Variants in DRAP1 observed in about 807,000 individuals in gnomAD.
DRAP1 encodes the protein dr1-associated corepressor.
Under a neutral mutation model 24.1 loss-of-function variants are expected in DRAP1, and 10 were observed. The ratio of observed to expected loss-of-function variants is 0.41; its 90% CI spans 0.26 to 0.70. The LOEUF is 0.70. Ranked by LOEUF, DRAP1 falls within the 30% of genes least tolerant of loss-of-function variation. DRAP1 has a pLI of 0.29. For synonymous variants in DRAP1, 122 were observed against 113.8 expected (o/e 1.07, Z -0.46); for missense variants, 264 against 275.6 (o/e 0.96, Z 0.30).
In DRAP1 at chr11:65,920,938, C is replaced by T. The variant is rs1313682527; in HGVS notation, c.478C>T (p.Pro160Ser). 1.9e-6 allele frequency: 3 copies of T among 1,613,110 alleles called. No individual in the cohort carries two copies. Among genetic ancestry groups the T allele is most frequent in the Non-Finnish European group, 2.5e-6 (3 of 1,179,594 alleles). ...GGAAGAGGAGACATCACAACCCCCA[C>T]CCCAGGCCAGCCACCCCTCTGCCCA... The part of the protein sequence containing the change: ...DGEEETSQPP[P>S]QASHPSAHFQ... The change falls in exon 6 of 7, where the codon CCC (proline) becomes TCC (serine). Residue 160 changes from proline (P) to serine (S), a missense_variant. Transcript: ENST00000312515.
Position 65,919,870 on chromosome 11 carries a change from G to T in DRAP1, c.115+18G>T. The T allele has an allele frequency of 2.5e-6, 4 of 1,613,290 alleles. No homozygotes were observed. The highest frequency in any genetic ancestry group is 3.4e-6 in the Non-Finnish European group (4 of 1,179,938). On this transcript the variant is annotated intron_variant, in intron 2 of 6. Coordinates refer to ENST00000312515, the MANE Select transcript of DRAP1 (RefSeq NM_006442.4). ...CATCATCTGTATCCTGCCGGGGGCG[G>T]ACCGGGTCGAGGGGCGTGGGGGAGG...
chr11:65,921,101 G>T, intron 6 of DRAP1, 129 bp downstream of exon 6: 1 of 754,964 alleles, frequency 1.3e-6, no homozygotes, highest in Non-Finnish European at 2.1e-6. Flanking sequence ...AATAACTGAG[G>T]AGGGCTTGAA....
rs1591101082 is a variant in DRAP1 at position 65,919,481 on chromosome 11, C to T, written c.-21C>T. 1.3e-6 allele frequency: 2 copies of T among 1,530,950 alleles called. No homozygotes were observed. The highest frequency in any genetic ancestry group is 2.4e-5 in the South Asian group (2 of 82,144). 94.8% of individuals were successfully genotyped at this position (1,530,950 alleles called of 1,614,324 possible). On this transcript the variant is annotated 5_prime_UTR_variant, in exon 1 of 7. In the 5' UTR this introduces an upstream ATG that the reference lacks. Transcript: ENST00000312515. The stretch of plus-strand genomic sequence containing the variant: ...CTGCGGGCGGCGGCGCTGGACCCGA[C>T]GCGGCGAGAGAGGCCCCGAGATGCC...
In DRAP1 at chr11:65,920,134, C is replaced by T. The variant is rs1056581884; in HGVS notation, c.209+93C>T. The T allele has an allele frequency of 2.7e-6, 4 of 1,506,126 alleles. No homozygotes were observed. The African/African-American group carries it at 4.1e-5, about 16-fold the overall frequency. 93.3% of individuals were successfully genotyped at this position (1,506,126 alleles called of 1,614,324 possible). ...GAGCCTGGGTGGCGAGGGAGGTGGGCGGCAGCCGGGACACCAGCAAGGCCA... is the reference window on the plus strand; with the variant it reads ...GAGCCTGGGTGGCGAGGGAGGTGGGTGGCAGCCGGGACACCAGCAAGGCCA... On this transcript the variant is annotated intron_variant, in intron 3 of 6. Transcript: ENST00000312515.
intron 1 of DRAP1, 87 bp downstream of exon 1, chr11:65,919,630 G>T (rs1211144333): frequency 1.3e-6 from 2 of 1,535,574 alleles, no homozygotes; most frequent in Middle Eastern, 2.0e-4. Context: ...GGCGCGCCGC[G>T]GTGTTCGGGG....
rs1854547488 is a variant in DRAP1 at position 65,921,317 on chromosome 11, T to C, written c.513-13T>C. On this transcript the variant is annotated splice_polypyrimidine_tract_variant and intron_variant, in intron 6 of 6. Coordinates refer to ENST00000312515, the MANE Select transcript of DRAP1 (RefSeq NM_006442.4). ...GGCTCAGGCCTGACTCTCTCCTGCC[T>C]TCTGCCCTGCAGCCCCCCGACACCC... 9 of 1,558,022 alleles carry C rather than the reference T, an allele frequency of 5.8e-6. No individual in the cohort carries two copies. Among genetic ancestry groups the C allele is most frequent in the Non-Finnish European group, 8.0e-6 (9 of 1,131,096 alleles).
intron 1 of DRAP1, 43 bp downstream of exon 1, chr11:65,919,586 G>A (rs1465887630): frequency 1.3e-6 from 2 of 1,547,666 alleles, no homozygotes; most frequent in Admixed American, 2.0e-5. Context: ...CCCGGCTCCC[G>A]GGTGGCTTGG....
Position 65,920,658 on chromosome 11 carries a change from A to G in DRAP1, c.419A>G (p.Gln140Arg). The G allele has an allele frequency of 2.0e-6, 3 of 1,486,062 alleles. No homozygotes were observed. The highest frequency in any genetic ancestry group is 2.7e-6 in the Non-Finnish European group (3 of 1,113,568). 92.1% of individuals were successfully genotyped at this position (1,486,062 alleles called of 1,614,324 possible). A position where few individuals can be genotyped will look rare whatever the true frequency, so the allele number is the denominator to read the frequency against. Residue 140 changes from glutamine (Q) to arginine (R), a missense_variant, in exon 5 of 7, where the codon CAG becomes CGG. Coordinates refer to ENST00000312515, the MANE Select transcript of DRAP1 (RefSeq NM_006442.4). Reference protein sequence around the residue: ...DKKLSGTDSEQEDESEDTDTD... With the variant: ...DKKLSGTDSEREDESEDTDTD... The stretch of plus-strand genomic sequence containing the variant: ...AAGCTGTCCGGGACAGACTCGGAGC[A>G]GGAGGTGAGTGAGGCCCCAGCCCTT...
Position 65,921,550 on chromosome 11 carries a change from C to G in DRAP1, c.*115C>G, listed in dbSNP as rs1854553011. 1.9e-6 allele frequency: 1 copy of G among 539,940 alleles called. No individual in the cohort carries two copies. The highest frequency in any genetic ancestry group is 3.3e-6 in the Non-Finnish European group (1 of 300,930). 33.4% of individuals were successfully genotyped at this position (539,940 alleles called of 1,614,324 possible). On this transcript the variant is annotated 3_prime_UTR_variant, in exon 7 of 7. Coordinates refer to ENST00000312515, the MANE Select transcript of DRAP1 (RefSeq NM_006442.4). Reference sequence around the variant, plus strand: ...TAAAAAAAAAAATAAAAGGGAATCTCAGTGTCTGTTCCAGGCTCTGCGCAG... The same window carrying G: ...TAAAAAAAAAAATAAAAGGGAATCTGAGTGTCTGTTCCAGGCTCTGCGCAG...
chr11:65,920,519 G>A lies in DRAP1; in HGVS notation c.330-50G>A, dbSNP rs1184010655. ...GGCCAAGGCCACAGGGCTTGGGGGT[G>A]GCCAAGGAGTAGGGAGCACTCCGGG... On this transcript the variant is annotated intron_variant, in intron 4 of 6. Transcript: ENST00000312515. 8.1e-6 allele frequency: 13 copies of A among 1,611,364 alleles called. No individual in the cohort carries two copies. The East Asian group carries it at 2.5e-4, about 30-fold the overall frequency.
chr11:65,919,757 G>T (rs756099047), intron 1 of DRAP1, 23 bp from the exon 2 acceptor site: 3 of 1,612,656 alleles, frequency 1.9e-6, no homozygotes, highest in South Asian at 1.1e-5. Context: ...GACGGGGTCT[G>T]AACTCTGCTC....
Position 65,920,421 on chromosome 11 carries a change from C to G in DRAP1, c.288C>G (p.Asp96Glu). 6.2e-7 allele frequency: 1 copy of G among 1,614,084 alleles called. No homozygotes were observed. Among genetic ancestry groups the G allele is most frequent in the Non-Finnish European group, 8.5e-7 (1 of 1,180,018 alleles). Residue 96 changes from aspartate (D) to glutamate (E), a missense_variant, in exon 4 of 7, where the codon GAC becomes GAG. Asp to Glu is a conservative substitution (Grantham distance 45). Coordinates refer to ENST00000312515, the MANE Select transcript of DRAP1 (RefSeq NM_006442.4). The stretch of plus-strand genomic sequence containing the variant: ...CATCTGTTCCCGACATGCAGGGGGA[C>G]GGGGAAGACAACCACATGGATGGGG... ...LVASVPDMQG[D>E]GEDNHMDGDK...
chr11:65,921,102 AG>A, intron 6 of DRAP1, 130 bp downstream of exon 6: 1 of 734,606 alleles, frequency 1.4e-6, no homozygotes, highest in Non-Finnish European at 2.2e-6. Context: ...ATAACTGAGG[AG>A]GGCTTGAAGG....
rs761047898 is a variant in DRAP1 at position 65,920,584 on chromosome 11, C to T, written c.345C>T (p.Gly115=). The T allele has an allele frequency of 5.7e-6, 9 of 1,586,198 alleles. No homozygotes were observed. Among genetic ancestry groups the T allele is most frequent in the East Asian group, 2.3e-5 (1 of 44,438 alleles). The part of the protein sequence containing the change: ...DKGARRGRKP[G]SGGRKNGGMG... ...CTTCCCAAAGGGGCCGGAAGCCAGG[C>T]AGCGGCGGCCGGAAGAACGGTGGGA... Residue 115 remains glycine (G), a synonymous_variant, in exon 5 of 7, where the codon GGC becomes GGT. Coordinates refer to ENST00000312515, the MANE Select transcript of DRAP1 (RefSeq NM_006442.4).
rs1854533072 is a variant in DRAP1, at chr11:65,920,415, G to A, written c.282G>A (p.Gln94=). The A allele has an allele frequency of 2.5e-6, 4 of 1,614,018 alleles. No homozygotes were observed. Among genetic ancestry groups the A allele is most frequent in the African/African-American group, 2.7e-5 (2 of 74,944 alleles). The part of the protein sequence containing the change: ...KDLVASVPDM[Q]GDGEDNHMDG... ...TGGTGGCATCTGTTCCCGACATGCA[G>A]GGGGACGGGGAAGACAACCACATGG... The change falls in exon 4 of 7, where the codon CAG becomes CAA. Residue 94 remains glutamine, a synonymous_variant. Transcript: ENST00000312515.
rs1408015676 is a variant in DRAP1, at chr11:65,920,774, C to T, written c.424-110C>T. 1.0e-5 allele frequency: 15 copies of T among 1,453,318 alleles called. No homozygotes were observed. In the South Asian group the frequency reaches 1.6e-4, roughly 16 times the overall value. 90.0% of individuals were successfully genotyped at this position (1,453,318 alleles called of 1,614,324 possible). A position where few individuals can be genotyped will look rare whatever the true frequency, so the allele number is the denominator to read the frequency against. On this transcript the variant is annotated intron_variant, in intron 5 of 6. Transcript: ENST00000312515. ...CATCCTTTTCTGCAACCTGTTTGCT[C>T]ACTGGTTTATTTGTAAATTGGGGCT... is the stretch of plus-strand genomic sequence containing the variant.
Position 65,920,444 on chromosome 11 carries a change from G to C in DRAP1, c.311G>C (p.Gly104Ala), listed in dbSNP as rs761538985. Residue 104 changes from glycine (G) to alanine (A), a missense_variant, in exon 4 of 7, where the codon GGG (glycine) becomes GCG (alanine). By Grantham distance (60) the Gly-to-Ala change is moderately conservative. Coordinates refer to ENST00000312515, the MANE Select transcript of DRAP1 (RefSeq NM_006442.4). ...GACGGGGAAGACAACCACATGGATG[G>C]GGACAAGGGCGCCCGCAGGTGGGGC... Reference protein sequence around the residue: ...QGDGEDNHMDGDKGARRGRKP... With the variant: ...QGDGEDNHMDADKGARRGRKP... 3.1e-6 allele frequency: 5 copies of C among 1,614,010 alleles called. No homozygotes were observed. Among genetic ancestry groups the C allele is most frequent in the Non-Finnish European group, 4.2e-6 (5 of 1,180,040 alleles).
chr11:65,920,179 C>G, intron 3 of DRAP1, 138 bp downstream of exon 3: 1 of 1,420,134 alleles, frequency 7.0e-7, no homozygotes, highest in South Asian at 1.3e-5. Flanking sequence ...AGAGGAGAGG[C>G]TGGGCTTCCA....
intron 4 of DRAP1, 53 bp downstream of exon 4, chr11:65,920,515 G>A: frequency 6.2e-7 from 1 of 1,611,758 alleles, no homozygotes; most frequent in Non-Finnish European, 8.5e-7. Flanking sequence ...CAGGGCTTGG[G>A]GGTGGCCAAG....
Sources: allele counts gnomAD v4.1 joint callset, GRCh38; gene constraint gnomAD v4.1.1; transcripts MANE v1.5; gene names NCBI Gene and HGNC (gene_info 2026-07-23, HGNC 2026-07-21).